CCDC60: variants seen among roughly 807,000 people sequenced by gnomAD.
CCDC60 encodes the protein coiled-coil domain-containing protein 60.
In CCDC60, 54 loss-of-function variants were observed where a neutral mutation model predicts 63.5. That is an observed-to-expected ratio of 0.85 (90% CI 0.68 to 1.07). The LOEUF is 1.07. CCDC60 is among the 50% of genes least tolerant of loss of function. The probability of loss-of-function intolerance (pLI) is 0.00; values close to 1 mark genes in which losing one functional copy is unlikely to be tolerated. For missense variants in CCDC60, 651 were observed against 684.3 expected (o/e 0.95, Z 0.54); for synonymous variants, 206 against 238.8 (o/e 0.86, Z 1.27).
At chr12:119,385,820 C>T (rs7313792) in intron 1 of CCDC60, among the ~76,000 whole-genome samples, 83,653 of 152,064 alleles carry the variant, frequency 0.55, 23,605 homozygotes, top group South Asian at 0.61. Context: ...GCTCCCCCTC[C>T]GTGCCCCTTC....
At chr12:119,390,978 C>T in intron 1 of CCDC60, among the ~76,000 whole-genome samples, 1 of 152,262 alleles carries the variant, frequency 6.6e-6, no homozygotes, top group African/African-American at 2.4e-5. Flanking sequence ...AGTCAGACCT[C>T]AGTACACATT....
intron 1 of CCDC60, among the ~76,000 whole-genome samples, chr12:119,369,882 G>C (rs1955880748): frequency 6.6e-6 from 1 of 152,162 alleles, no homozygotes; most frequent in South Asian, 2.1e-4. Context: ...GGCTTGCCAA[G>C]GGCATCAGTA....
At chr12:119,336,029 G>A (rs548755994) in intron 1 of CCDC60, among the ~76,000 whole-genome samples, 13 of 146,208 alleles carry the variant, frequency 8.9e-5, no homozygotes, top group South Asian at 6.5e-4. Flanking sequence ...TCACTCATAG[G>A]TGGGAATTGA....
intron 3 of CCDC60, among the ~76,000 whole-genome samples, chr12:119,475,994 A>T (rs1374553948): frequency 6.6e-6 from 1 of 152,222 alleles, no homozygotes; most frequent in East Asian, 1.9e-4. Flanking sequence ...ACAAAAGTAT[A>T]AAAAATACAA....
chr12:119,335,115 T>A lies in CCDC60; in HGVS notation c.-62T>A, dbSNP rs1204527741. 7.3e-7 allele frequency: 1 copy of A among 1,370,984 alleles called. No homozygotes were observed. The allele number at this position is 1,370,984 out of a possible 1,614,324, so 84.9% of individuals were successfully genotyped here. A position where few individuals can be genotyped will look rare whatever the true frequency, so the allele number is the denominator to read the frequency against. ...CTTCTCATACCAGTAACTACTGAAGTAGAAGATTCTGGAAAAATCCTTGTC... is the reference window on the plus strand; with the variant it reads ...CTTCTCATACCAGTAACTACTGAAGAAGAAGATTCTGGAAAAATCCTTGTC... On this transcript the variant is annotated 5_prime_UTR_variant, in exon 1 of 14. Transcript: ENST00000327554.
chr12:119,441,474 C>A (rs1223649529), intron 2 of CCDC60, among the ~76,000 whole-genome samples: 2 of 152,156 alleles, frequency 1.3e-5, no homozygotes, highest in Non-Finnish European at 2.9e-5. Flanking sequence ...AACAAACACA[C>A]CCATGTAACC....
chr12:119,405,315 G>C, intron 1 of CCDC60, among the ~76,000 whole-genome samples: 1 of 152,212 alleles, frequency 6.6e-6, no homozygotes. Context: ...TAATTAAGGA[G>C]ATAATTCTTA....
intron 1 of CCDC60, among the ~76,000 whole-genome samples, chr12:119,343,847 G>A (rs1955558653): frequency 6.6e-6 from 1 of 151,794 alleles, no homozygotes; most frequent in African/African-American, 2.4e-5. Flanking sequence ...AAGGGAGGGG[G>A]CGTATTACCA....
At chr12:119,360,892 G>T (rs1436579746) in intron 1 of CCDC60, among the ~76,000 whole-genome samples, 2 of 152,158 alleles carry the variant, frequency 1.3e-5, no homozygotes, top group African/African-American at 4.8e-5. Flanking sequence ...CCGGCACCTC[G>T]GGAGGCCGAG....
chr12:119,489,734 G>A (rs1022025119), intron 5 of CCDC60, among the ~76,000 whole-genome samples: 7 of 151,794 alleles, frequency 4.6e-5, no homozygotes, highest in Non-Finnish European at 1.0e-4. Flanking sequence ...CCCACCCCCC[G>A]TGCTAACCCA....
At chr12:119,490,557 C>CCTT (rs747130295) in intron 5 of CCDC60, among the ~76,000 whole-genome samples, 1 of 151,068 alleles carries the variant, frequency 6.6e-6, no homozygotes, top group South Asian at 2.1e-4. Context: ...ATTTTTCATG[C>CCTT]CTTCTTCTTC....
At chr12:119,397,629 A>T (rs1008922702) in intron 1 of CCDC60, among the ~76,000 whole-genome samples, 4 of 147,482 alleles carry the variant, frequency 2.7e-5, no homozygotes, top group Non-Finnish European at 5.9e-5. Flanking sequence ...GTCCCCACTC[A>T]ACTCAGGAGC....
chr12:119,426,645 C>T (rs574424532), intron 1 of CCDC60, among the ~76,000 whole-genome samples: 21 of 152,204 alleles, frequency 1.4e-4, no homozygotes, highest in Non-Finnish European at 2.9e-4. Context: ...GGACATGAGC[C>T]ACTGCGCCTG....
chr12:119,355,648 G>A (rs1355880892), intron 1 of CCDC60, among the ~76,000 whole-genome samples: 1 of 152,252 alleles, frequency 6.6e-6, no homozygotes, highest in Non-Finnish European at 1.5e-5. Context: ...TGAAGTGGCA[G>A]TGTACAGCAG....
chr12:119,426,220 CAA>C (rs1007415567), intron 1 of CCDC60, among the ~76,000 whole-genome samples: 6 of 152,238 alleles, frequency 3.9e-5, no homozygotes, highest in African/African-American at 1.4e-4. Context: ...TAAGAATAGC[CAA>C]AGAGACAGTT....
At chr12:119,360,996 C>T (rs898851247) in intron 1 of CCDC60, among the ~76,000 whole-genome samples, 5 of 151,956 alleles carry the variant, frequency 3.3e-5, no homozygotes, top group African/African-American at 1.2e-4. Flanking sequence ...ACCAGTCAGG[C>T]GTGGCGGCGT....
rs752248331 is a variant in CCDC60 at position 119,471,987 on chromosome 12, T to C, written c.171-7T>C. ...CTCTCTCCCTCTTCCTCCCTGCATG[T>C]CTCCAGCTTTTTGATCCAGTCTGTG... On this transcript the variant is annotated splice_region_variant and splice_polypyrimidine_tract_variant and intron_variant, in intron 2 of 13. Coordinates refer to ENST00000327554, the MANE Select transcript of CCDC60 (RefSeq NM_178499.5). 1 of 1,611,838 alleles carries C rather than the reference T, an allele frequency of 6.2e-7. No homozygotes were observed. Among genetic ancestry groups the C allele is most frequent in the Non-Finnish European group, 8.5e-7 (1 of 1,178,902 alleles).
chr12:119,413,858 C>G (rs1314525504), intron 1 of CCDC60, among the ~76,000 whole-genome samples: 1 of 152,152 alleles, frequency 6.6e-6, no homozygotes, highest in Non-Finnish European at 1.5e-5. Flanking sequence ...GGGGATTTTA[C>G]TGAAGGGTTC....
chr12:119,365,133 G>A (rs990290220), intron 1 of CCDC60, among the ~76,000 whole-genome samples: 4 of 152,218 alleles, frequency 2.6e-5, no homozygotes, highest in African/African-American at 9.6e-5. Context: ...TCAAGGAAAT[G>A]AGATAACGTG....
Sources: allele counts gnomAD v4.1 joint callset (sites outside exome capture counted in the v4.1 genomes callset), GRCh38; gene constraint gnomAD v4.1.1; transcripts MANE v1.5; gene names NCBI Gene and HGNC (gene_info 2026-07-23, HGNC 2026-07-21).